Variants in EPM2A observed in about 807,000 individuals in gnomAD.
EPM2A encodes laforin.
A neutral mutation model predicts 26.5 loss-of-function variants in EPM2A; 21 were observed. The ratio of observed to expected loss-of-function variants is 0.79; its 90% CI spans 0.56 to 1.14. The LOEUF (loss-of-function observed/expected upper bound fraction) is 1.14. EPM2A is among the 50% of genes most tolerant of loss of function. The probability of loss-of-function intolerance (pLI) is 0.00; values close to 1 mark genes in which losing one functional copy is unlikely to be tolerated. For missense variants in EPM2A, 458 were observed against 440.8 expected, an observed-to-expected ratio of 1.04 and a Z score of -0.35; for synonymous variants, 217 against 177.6, an observed-to-expected ratio of 1.22 and a Z score of -1.76.
chr6:145,424,418 T>C (rs536340494), intron 4 of EPM2A, among the ~76,000 whole-genome samples: 17 of 152,332 alleles, frequency 1.1e-4, no homozygotes, highest in African/African-American at 3.6e-4. Context: ...AATGTGGTAT[T>C]CATAAAGATA....
intron 1 of EPM2A, among the ~76,000 whole-genome samples, chr6:145,688,291 T>C (rs1377177932): frequency 6.6e-6 from 1 of 152,202 alleles, no homozygotes; most frequent in African/African-American, 2.4e-5. Flanking sequence ...TAGTTTATGA[T>C]GAAGCTTGGT....
At chr6:145,430,159 T>C (rs1429360512) in intron 4 of EPM2A, among the ~76,000 whole-genome samples, 2 of 151,290 alleles carry the variant, frequency 1.3e-5, no homozygotes, top group Non-Finnish European at 2.9e-5. Context: ...ACCATTGCAC[T>C]CCAGCCTGGG....
chr6:145,587,105 G>C (rs1343855172), intron 2 of EPM2A, among the ~76,000 whole-genome samples: 4 of 152,140 alleles, frequency 2.6e-5, no homozygotes, highest in African/African-American at 9.6e-5. Context: ...GTTCCTCAGA[G>C]TTCACTCATT....
chr6:145,681,310 A>G (rs1229857470), intron 2 of EPM2A, among the ~76,000 whole-genome samples: 4 of 150,834 alleles, frequency 2.7e-5, no homozygotes, highest in African/African-American at 7.3e-5. Context: ...TCAGATGAGT[A>G]GGTTGCAAAA....
chr6:145,516,217 T>G (rs1013349239), intron 2 of EPM2A, among the ~76,000 whole-genome samples: 1 of 152,166 alleles, frequency 6.6e-6, no homozygotes, highest in African/African-American at 2.4e-5. Flanking sequence ...TTGAGAGAGA[T>G]AGTGAAGATG....
At chr6:145,481,525 C>T (rs1033735629) in intron 4 of EPM2A, among the ~76,000 whole-genome samples, 2 of 151,946 alleles carry the variant, frequency 1.3e-5, no homozygotes, top group Non-Finnish European at 2.9e-5. Flanking sequence ...ATTTAGTAGC[C>T]TAATTGTTAT....
At chr6:145,606,888 A>C (rs1775274529) in intron 2 of EPM2A, among the ~76,000 whole-genome samples, 1 of 152,218 alleles carries the variant, frequency 6.6e-6, no homozygotes, top group Non-Finnish European at 1.5e-5. Flanking sequence ...ATTTGCAAAC[A>C]TAAGTGAAAC....
At chr6:145,671,724 T>C (rs1160757906) in intron 2 of EPM2A, among the ~76,000 whole-genome samples, 1 of 152,178 alleles carries the variant, frequency 6.6e-6, no homozygotes, top group Non-Finnish European at 1.5e-5. Context: ...CCAGATAAAA[T>C]AGTATTTTTA....
chr6:145,610,416 A>G (rs6570700), intron 2 of EPM2A, among the ~76,000 whole-genome samples: 70,992 of 152,020 alleles, frequency 0.47, 17,222 homozygotes, highest in African/African-American at 0.58. Context: ...AGCAAAAAGC[A>G]CAAAGTAATT....
intron 2 of EPM2A, among the ~76,000 whole-genome samples, chr6:145,613,282 G>A (rs1417342214): frequency 6.6e-6 from 1 of 151,952 alleles, no homozygotes; most frequent in South Asian, 2.1e-4. Flanking sequence ...TCACATCTTC[G>A]GACTCCACTA....
At chr6:145,680,176 G>A (rs1217587459) in intron 2 of EPM2A, 1 of 151,878 alleles carries the variant, frequency 6.6e-6, no homozygotes, top group Non-Finnish European at 1.5e-5. Context: ...GGAAAGAAGA[G>A]GGAGAAAGAT....
intron 2 of EPM2A, among the ~76,000 whole-genome samples, chr6:145,511,154 C>A (rs1582812468): frequency 6.6e-6 from 1 of 152,026 alleles, no homozygotes; most frequent in East Asian, 1.9e-4. Context: ...GGCCCTGGAC[C>A]AAATGGTTTC....
intron 4 of EPM2A, among the ~76,000 whole-genome samples, chr6:145,480,755 A>G (rs139207443): frequency 2.4e-4 from 36 of 152,176 alleles, no homozygotes; most frequent in African/African-American, 8.4e-4. Context: ...TCATTTGCTT[A>G]TTTTTATGAT....
intron 2 of EPM2A, among the ~76,000 whole-genome samples, chr6:145,560,866 TTTAA>T (rs1384952871): frequency 4.6e-5 from 7 of 152,242 alleles, no homozygotes; most frequent in East Asian, 1.9e-4. Flanking sequence ...CACTTTATTA[TTTAA>T]TTATTTTAAT....
intron 4 of EPM2A, among the ~76,000 whole-genome samples, chr6:145,456,271 A>G (rs1363941868): frequency 6.6e-6 from 1 of 152,348 alleles, no homozygotes; most frequent in East Asian, 1.9e-4. Flanking sequence ...TTGCCAGCCC[A>G]TGGTAGTTAC....
At chr6:145,668,506 T>C (rs1779402738) in intron 2 of EPM2A, among the ~76,000 whole-genome samples, 2 of 152,206 alleles carry the variant, frequency 1.3e-5, no homozygotes, top group Non-Finnish European at 2.9e-5. Flanking sequence ...GCACGATTTT[T>C]TTGGCATTCA....
intron 1 of EPM2A, among the ~76,000 whole-genome samples, chr6:145,697,585 T>G (rs1781676499): frequency 6.6e-6 from 1 of 152,132 alleles, no homozygotes; most frequent in African/African-American, 2.4e-5. Flanking sequence ...TCCCTACGGC[T>G]CGACCATAAA....
intron 2 of EPM2A, among the ~76,000 whole-genome samples, chr6:145,564,113 ATGAC>A (rs1780846833): frequency 6.6e-6 from 1 of 152,228 alleles, no homozygotes; most frequent in African/African-American, 2.4e-5. Flanking sequence ...CAAGAAAAGA[ATGAC>A]AAGAAAAATG....
chr6:145,551,163 T>G (rs1343480688), intron 2 of EPM2A, among the ~76,000 whole-genome samples: 1 of 152,100 alleles, frequency 6.6e-6, no homozygotes, highest in Non-Finnish European at 1.5e-5. Context: ...GTTATATACC[T>G]TGAATGGCTT....
Sources: gnomAD v4.1 joint callset for allele counts (sites outside exome capture counted in the v4.1 genomes callset) on GRCh38, gnomAD v4.1.1 for gene constraint, MANE v1.5 for transcripts, NCBI Gene and HGNC (gene_info 2026-07-23, HGNC 2026-07-21) for gene names.